Variants in PDPR observed in about 807,000 individuals in gnomAD.
The protein encoded by PDPR is pyruvate dehydrogenase phosphatase regulatory subunit.
In PDPR, 50 loss-of-function variants were observed where a neutral mutation model predicts 102.2. The observed-to-expected ratio is 0.49, with a 90% CI of 0.39 to 0.62. PDPR has a LOEUF of 0.62. PDPR is among the 20% of genes least tolerant of loss of function. The pLI, the probability that PDPR is intolerant of heterozygous loss-of-function variation, is 0.00. For synonymous variants in PDPR, 259 were observed against 406.0 expected (o/e 0.64, Z 4.35); for missense variants, 625 against 1,098.2 (o/e 0.57, Z 6.09).
intron 3 of PDPR, among the ~76,000 whole-genome samples, chr16:70,120,955 T>TG (rs1429180815): frequency 4.2e-5 from 5 of 117,980 alleles, no homozygotes; most frequent in Non-Finnish European, 6.9e-5. Context: ...TTTTTTTTTT[T>TG]TTGGTGGTGG....
rs60054362 is a variant in PDPR, at chr16:70,155,802, CT to C, written c.2236-656del. Among the ~76,000 whole-genome samples, 1,250 of 139,370 alleles carry C rather than the reference CT, an allele frequency of 9.0e-3. 3 individuals are homozygous for C. Among genetic ancestry groups the C allele is most frequent in the Admixed American group, 0.015 (206 of 13,702 alleles). The allele number at this position is 139,370 out of a possible 152,430, so 91.4% of individuals were successfully genotyped here. On this transcript the variant is annotated intron_variant, in intron 18 of 18. Transcript: ENST00000288050. ...TCTTGTTGGGATTATATAAAAAAGT[CT>C]TTTTTTTTTTTTTTTTGAGACAGAG...
chr16:70,119,628 G>A (rs1963013943), intron 2 of PDPR, among the ~76,000 whole-genome samples: 1 of 149,304 alleles, frequency 6.7e-6, no homozygotes, highest in South Asian at 2.1e-4. Context: ...CAAATGTATA[G>A]CTCGTTCCTT....
chr16:70,150,109 T>A (rs12595983), intron 17 of PDPR, among the ~76,000 whole-genome samples: 1 of 9,612 alleles, frequency 1.0e-4, no homozygotes, highest in Non-Finnish European at 3.1e-4. Context: ...TTTTTTTTTC[T>A]TTTTTTTTTT....
intron 3 of PDPR, among the ~76,000 whole-genome samples, chr16:70,120,931 CTTTTTTTTTTT>C (rs71385643): frequency 6.7e-4 from 69 of 103,058 alleles, no homozygotes; most frequent in African/African-American, 2.2e-3. Flanking sequence ...TTTCGTTTTC[CTTTTTTTTTTT>C]TTTTTTTTTT....
At chr16:70,115,296 G>A (rs1472893218) in intron 2 of PDPR, among the ~76,000 whole-genome samples, 1 of 152,030 alleles carries the variant, frequency 6.6e-6, no homozygotes, top group African/African-American at 2.4e-5. Context: ...GCTAATTTTT[G>A]TGTTTTTAGT....
intron 3 of PDPR, among the ~76,000 whole-genome samples, chr16:70,121,689 C>CA (rs145401299): frequency 0.042 from 5,970 of 141,076 alleles, 189 homozygotes; most frequent in African/African-American, 0.14. Context: ...GAGACTGTCT[C>CA]AAAAAAAAAA....
intron 17 of PDPR, among the ~76,000 whole-genome samples, chr16:70,150,596 C>T (rs908051974): frequency 6.6e-6 from 1 of 150,768 alleles, no homozygotes; most frequent in Non-Finnish European, 1.5e-5. Flanking sequence ...GCAGCTTGAC[C>T]TCCGAGGCTG....
rs1235876854 is a variant in PDPR at position 70,159,672 on chromosome 16, G to A, written c.*2793G>A. ...CTCTGTCTAGTGTCCAAGCATCTTA[G>A]CTGTTCAAGAGGAGAGGGCAGCATA... On this transcript the variant is annotated 3_prime_UTR_variant, in exon 19 of 19. Coordinates refer to ENST00000288050, the MANE Select transcript of PDPR (RefSeq NM_017990.5). The A allele has an allele frequency of 6.5e-6, 1 of 152,816 alleles. No homozygotes were observed. Among genetic ancestry groups the A allele is most frequent in the African/African-American group, 2.4e-5 (1 of 41,484 alleles). The allele number at this position is 152,816 out of a possible 1,614,324, so 9.5% of individuals were successfully genotyped here.
intron 11 of PDPR, among the ~76,000 whole-genome samples, chr16:70,139,915 A>T (rs544329134): frequency 1.3e-5 from 2 of 152,388 alleles, no homozygotes; most frequent in African/African-American, 2.4e-5. Context: ...AGGACTCTGG[A>T]TGGCCTTTAA....
chr16:70,158,395 A>G lies in PDPR; in HGVS notation c.*1516A>G, dbSNP rs1043920108. 1 of 152,678 alleles carries G rather than the reference A, an allele frequency of 6.5e-6. No homozygotes were observed. The highest frequency in any genetic ancestry group is 1.5e-5 in the Non-Finnish European group (1 of 68,208). The allele number at this position is 152,678 out of a possible 1,614,324, so 9.5% of individuals were successfully genotyped here. A position where few individuals can be genotyped will look rare whatever the true frequency, so the allele number is the denominator to read the frequency against. On this transcript the variant is annotated 3_prime_UTR_variant, in exon 19 of 19. Transcript: ENST00000288050. The stretch of plus-strand genomic sequence containing the variant: ...CTCTGATAGGTCTATAAGTGTATTA[A>G]GGGACATCCTTCCATTTCATTAGAG...
At chr16:70,156,415 G>C in intron 18 of PDPR, 60 bp from the exon 19 acceptor site, 1 of 1,586,040 alleles carries the variant, frequency 6.3e-7, no homozygotes, top group East Asian at 2.2e-5. Context: ...CCACGGTGCT[G>C]CTCTCTGTGC....
At chr16:70,133,887 C>G (rs1464106106) in intron 9 of PDPR, among the ~76,000 whole-genome samples, 1 of 152,180 alleles carries the variant, frequency 6.6e-6, no homozygotes, top group Admixed American at 6.6e-5. Flanking sequence ...ACATGCGCCA[C>G]CACGCCTGGC....
intron 2 of PDPR, among the ~76,000 whole-genome samples, chr16:70,115,501 A>T (rs930974800): frequency 6.6e-6 from 1 of 152,228 alleles, no homozygotes; most frequent in Non-Finnish European, 1.5e-5. Context: ...TGGCAGGATC[A>T]GAATCTGCCG....
upstream of PDPR, chr16:70,114,284 T>G (rs1228001240): frequency 7.2e-5 from 11 of 152,244 alleles, no homozygotes; most frequent in East Asian, 2.1e-3. Flanking sequence ...AAGGTCGCGG[T>G]CTCGGCTTCC....
chr16:70,136,756 G>C (rs1311562766), intron 10 of PDPR, among the ~76,000 whole-genome samples: 2 of 152,142 alleles, frequency 1.3e-5, no homozygotes, highest in Non-Finnish European at 1.5e-5. Flanking sequence ...CGGTTTGTTT[G>C]TTTTTTTAGA....
intron 6 of PDPR, among the ~76,000 whole-genome samples, chr16:70,129,431 G>C (rs989810073): frequency 5.3e-5 from 8 of 152,252 alleles, no homozygotes; most frequent in Admixed American, 4.6e-4. Context: ...TGCAACCTTC[G>C]CCTCCTGGGT....
At chr16:70,121,977 G>T (rs1436195084) in intron 3 of PDPR, among the ~76,000 whole-genome samples, 2 of 152,096 alleles carry the variant, frequency 1.3e-5, no homozygotes, top group African/African-American at 4.8e-5. Context: ...TGTTGCCTAG[G>T]CTGTTTTCTT....
At chr16:70,126,786 A>G (rs1374260581) in intron 3 of PDPR, among the ~76,000 whole-genome samples, 10 of 152,256 alleles carry the variant, frequency 6.6e-5, no homozygotes, top group African/African-American at 2.4e-4. Context: ...TCAGCCTGTC[A>G]AAGTGCTGGG....
rs1438008368 is a variant in PDPR at position 70,158,322 on chromosome 16, GT to G, written c.*1445del. The G allele has an allele frequency of 2.0e-5, 3 of 152,450 alleles. No homozygotes were observed. Among genetic ancestry groups the G allele is most frequent in the African/African-American group, 7.2e-5 (3 of 41,476 alleles). The allele number at this position is 152,450 out of a possible 1,614,324, so 9.4% of individuals were successfully genotyped here. The stretch of plus-strand genomic sequence containing the variant: ...AAATAAACTGCTATAAGACATTTTG[GT>G]TAGTAAAACTCTAGCCTTTGGCGTG... On this transcript the variant is annotated 3_prime_UTR_variant, in exon 19 of 19. Coordinates refer to ENST00000288050, the MANE Select transcript of PDPR (RefSeq NM_017990.5).
Sources: gnomAD v4.1 joint callset for allele counts (sites outside exome capture counted in the v4.1 genomes callset) on GRCh38, gnomAD v4.1.1 for gene constraint, MANE v1.5 for transcripts, NCBI Gene and HGNC (gene_info 2026-07-23, HGNC 2026-07-21) for gene names.